FBN3: variants seen among roughly 807,000 people sequenced by gnomAD.
FBN3 encodes the protein fibrillin 3, also known as fibrillin-3.
Under a neutral mutation model 330.1 loss-of-function variants are expected in FBN3, and 234 were observed. That is an observed-to-expected ratio of 0.71 (90% confidence interval 0.64 to 0.79). The LOEUF is 0.79. Among genes scored for constraint, FBN3 ranks in the 30% least tolerant of loss-of-function variants. The probability of loss-of-function intolerance (pLI) is 0.00; values close to 1 mark genes in which losing one functional copy is unlikely to be tolerated. For missense variants in FBN3, 3,606 were observed against 3,886.9 expected, an observed-to-expected ratio of 0.93 and a Z score of 1.92; for synonymous variants, 1,458 against 1,517.3, an observed-to-expected ratio of 0.96 and a Z score of 0.91.
chr19:8,140,095 G>A (rs1568456101), intron 8 of FBN3, among the ~76,000 whole-genome samples: 1 of 152,162 alleles, frequency 6.6e-6, no homozygotes, highest in African/African-American at 2.4e-5. Flanking sequence ...GAGGAGGACG[G>A]GAAACTCGAT....
At chr19:8,126,944 G>A in intron 18 of FBN3, 112 bp from the exon 19 acceptor site, 1 of 1,269,112 alleles carries the variant, frequency 7.9e-7, no homozygotes, top group Non-Finnish European at 1.1e-6. Flanking sequence ...GGTGCACCCA[G>A]ATGCACAAGC....
chr19:8,086,988 G>A, intron 54 of FBN3, 89 bp downstream of exon 54: 1 of 1,473,646 alleles, frequency 6.8e-7, no homozygotes. Context: ...TGACAGGTAT[G>A]AGTCACCGTG....
chr19:8,095,633 A>T lies in FBN3; in HGVS notation c.5657-130T>A, dbSNP rs10413994. On this transcript the variant is annotated intron_variant, in intron 45 of 63. Transcript: ENST00000600128. ...CAACTTGAGCACTCATGTATAGACT[A>T]TGTATATTAGCCTTCTACCTATCTT... The T allele has an allele frequency of 1.2e-3, 1,068 of 874,328 alleles. 15 individuals carry two copies. The highest frequency in any genetic ancestry group is 0.012 in the South Asian group (663 of 56,192). The allele number at this position is 874,328 out of a possible 1,614,324, so 54.2% of individuals were successfully genotyped here.
chr19:8,101,573 C>T (rs912839163), intron 40 of FBN3, among the ~76,000 whole-genome samples: 1 of 152,214 alleles, frequency 6.6e-6, no homozygotes, highest in Non-Finnish European at 1.5e-5. Flanking sequence ...CTGAGCTTCT[C>T]CAGGTCTGCC....
chr19:8,117,092 G>A, intron 28 of FBN3, 77 bp downstream of exon 28: 2 of 1,578,092 alleles, frequency 1.3e-6, no homozygotes. Flanking sequence ...GCTGGGCTCT[G>A]GGCCAGTGCA....
intron 13 of FBN3, among the ~76,000 whole-genome samples, chr19:8,134,600 A>C (rs565504763): frequency 6.6e-5 from 10 of 152,136 alleles, no homozygotes; most frequent in African/African-American, 9.6e-5. Flanking sequence ...ATATGAGTTA[A>C]AGTCCAGCCT....
At chr19:8,081,615 C>CA in intron 57 of FBN3, 135 bp from the exon 58 acceptor site, 1 of 1,036,160 alleles carries the variant, frequency 9.7e-7, no homozygotes, top group Non-Finnish European at 1.4e-6. Context: ...CTTCTTTCTG[C>CA]AAAAAGCCAG....
intron 10 of FBN3, among the ~76,000 whole-genome samples, chr19:8,137,436 TTAGATCCCTTCAATCTGGAGCC>T (rs1342784987): frequency 6.6e-6 from 1 of 151,682 alleles, no homozygotes; most frequent in Non-Finnish European, 1.5e-5. Flanking sequence ...AAATGGAGCC[TTAGATCCCTTCAATCTGGAGCC>T]TAGATCCCTC....
At position 8,111,069 on chromosome 19, in the gene FBN3, C is replaced by G. The variant is rs140448414; in HGVS notation, c.4199G>C (p.Arg1400Pro). ...EMGFDPTEDH[R>P]ACQDVDECAQ... is the part of the protein sequence containing the mutation. Reference sequence around the variant, plus strand: ...GGGCCCAACCTTACCCTGGCAGGCCCGGTGGTCCTCGGTGGGGTCAAAGCC... The same window carrying G: ...GGGCCCAACCTTACCCTGGCAGGCCGGGTGGTCCTCGGTGGGGTCAAAGCC... Residue 1400 changes from arginine (R) to proline (P), a missense_variant, in exon 33 of 64, where the codon CGG becomes CCG. Coordinates refer to ENST00000600128, the MANE Select transcript of FBN3 (RefSeq NM_032447.5). The G allele has an allele frequency of 6.4e-5, 104 of 1,612,848 alleles. No individual in the cohort carries two copies. Among genetic ancestry groups the G allele is most frequent in the Non-Finnish European group, 8.6e-5 (102 of 1,179,336 alleles).
chr19:8,089,678 T>G lies in FBN3; in HGVS notation c.6251-8A>C. The G allele has an allele frequency of 6.2e-7, 1 of 1,613,862 alleles. No homozygotes were observed. Among genetic ancestry groups the G allele is most frequent in the Non-Finnish European group, 8.5e-7 (1 of 1,179,872 alleles). ...CTGCACACTCATTCACGTCTGCGGA[T>G]GGCAGGCGTTGCAGACATGGCTTCT... On this transcript the variant is annotated splice_polypyrimidine_tract_variant and splice_region_variant and intron_variant, in intron 50 of 63. Coordinates refer to ENST00000600128, the MANE Select transcript of FBN3 (RefSeq NM_032447.5).
intron 13 of FBN3, 25 bp downstream of exon 13, chr19:8,135,936 G>GGGGGGGGGGGCGGGCCCCCCCCCCCCCC: frequency 1.5e-6 from 1 of 668,778 alleles, no homozygotes. Flanking sequence ...GGAAGCCCCT[G>GGGGGGGGGGGCGGGCCCCCCCCCCCCCC]CCCACCCGCC....
chr19:8,111,294 C>A, intron 32 of FBN3, 111 bp from the exon 33 acceptor site: 2 of 1,345,950 alleles, frequency 1.5e-6, no homozygotes, highest in Non-Finnish European at 2.0e-6. Flanking sequence ...GAGTCCCAGG[C>A]AAGTAGCCCT....
chr19:8,083,959 C>A (rs545683531), intron 56 of FBN3, among the ~76,000 whole-genome samples: 1 of 151,984 alleles, frequency 6.6e-6, no homozygotes. Flanking sequence ...CCTGCCACCA[C>A]GCCCGGCTAA....
intron 13 of FBN3, 22 bp downstream of exon 13, chr19:8,135,939 C>CA: frequency 2.6e-6 from 1 of 385,868 alleles, no homozygotes; most frequent in Admixed American, 3.6e-5. Context: ...AGCCCCTGCC[C>CA]ACCCGCCCAC....
chr19:8,085,121 C>G (rs891068706), intron 56 of FBN3, among the ~76,000 whole-genome samples: 1 of 152,148 alleles, frequency 6.6e-6, no homozygotes, highest in African/African-American at 2.4e-5. Flanking sequence ...TCTCAGAACA[C>G]ATACACACAC....
chr19:8,084,842 C>A (rs1043601931), intron 56 of FBN3, among the ~76,000 whole-genome samples: 6 of 151,956 alleles, frequency 3.9e-5, no homozygotes, highest in African/African-American at 1.4e-4. Context: ...GCCGCCTCAG[C>A]CTCCCAAAGT....
At chr19:8,095,293 T>C in intron 46 of FBN3, 82 bp downstream of exon 46, 2 of 1,426,520 alleles carry the variant, frequency 1.4e-6, no homozygotes, top group Non-Finnish European at 1.9e-6. Flanking sequence ...AATGGATCTA[T>C]GCTCACCCAG....
In FBN3 at chr19:8,089,782, T is replaced by C. The variant is rs1043610936; in HGVS notation, c.6250+112A>G. On this transcript the variant is annotated intron_variant, in intron 50 of 63. Transcript: ENST00000600128. Reference sequence around the variant, plus strand: ...AAGCCCAAGCCCCAGGCTGGCAGGGTCCAGGGCCACCCAGGCTCTCAGGGG... The same window carrying C: ...AAGCCCAAGCCCCAGGCTGGCAGGGCCCAGGGCCACCCAGGCTCTCAGGGG... 9 of 1,552,458 alleles carry C rather than the reference T, an allele frequency of 5.8e-6. No homozygotes were observed. The African/African-American group carries it at 1.2e-4, about 21-fold the overall frequency.
intron 22 of FBN3, among the ~76,000 whole-genome samples, chr19:8,125,110 A>G (rs1234665519): frequency 6.6e-6 from 1 of 152,124 alleles, no homozygotes; most frequent in Non-Finnish European, 1.5e-5. Context: ...TGAACCTAAT[A>G]CTGTCCTCAA....
Sources: gnomAD v4.1 joint callset for allele counts (sites outside exome capture counted in the v4.1 genomes callset) on GRCh38, gnomAD v4.1.1 for gene constraint, MANE v1.5 for transcripts, NCBI Gene and HGNC (gene_info 2026-07-23, HGNC 2026-07-21) for gene names.